The following ARHGAP12 variants were observed in gnomAD, a reference collection of about 807,000 sequenced individuals.
The protein encoded by ARHGAP12 is Rho GTPase activating protein 12.
In ARHGAP12, 64 loss-of-function variants were observed where a neutral mutation model predicts 108.6. The observed-to-expected ratio is 0.59, with a 90% CI of 0.48 to 0.73. The LOEUF (loss-of-function observed/expected upper bound fraction) is 0.73, where lower values mean the gene tolerates loss of function less well. ARHGAP12 is among the 30% of genes least tolerant of loss of function. The pLI, the probability that ARHGAP12 is intolerant of heterozygous loss-of-function variation, is 0.00. For missense variants in ARHGAP12, 940 were observed against 1,005.9 expected, an observed-to-expected ratio of 0.93 and a Z score of 0.89; for synonymous variants, 312 against 337.2, an observed-to-expected ratio of 0.93 and a Z score of 0.82.
intron 3 of ARHGAP12, among the ~76,000 whole-genome samples, chr10:31,880,856 T>A (rs1837921682): frequency 6.6e-6 from 1 of 150,846 alleles, no homozygotes; most frequent in African/African-American, 2.4e-5. Context: ...CTCTGGGAGT[T>A]CAAGGCCAGC....
At chr10:31,864,698 C>A (rs1411402846) in intron 3 of ARHGAP12, among the ~76,000 whole-genome samples, 1 of 152,172 alleles carries the variant, frequency 6.6e-6, no homozygotes, top group Non-Finnish European at 1.5e-5. Flanking sequence ...AAGAAAACAT[C>A]CACGCTTCTA....
At chr10:31,904,333 A>G (rs1364344718) in intron 3 of ARHGAP12, among the ~76,000 whole-genome samples, 1 of 152,234 alleles carries the variant, frequency 6.6e-6, no homozygotes, top group African/African-American at 2.4e-5. Context: ...CTACAGAGTT[A>G]CACTGAATGA....
chr10:31,914,324 T>C (rs948926806), intron 1 of ARHGAP12, among the ~76,000 whole-genome samples: 2 of 152,206 alleles, frequency 1.3e-5, no homozygotes, highest in African/African-American at 4.8e-5. Context: ...AATTCTCTAA[T>C]TAAATATAAA....
chr10:31,824,021 G>A (rs572364467), intron 11 of ARHGAP12, among the ~76,000 whole-genome samples: 1 of 152,152 alleles, frequency 6.6e-6, no homozygotes, highest in African/African-American at 2.4e-5. Flanking sequence ...CATCTTGTAT[G>A]TTTCTCTAAA....
intron 16 of ARHGAP12, 34 bp from the exon 17 acceptor site, chr10:31,809,341 T>C: frequency 3.2e-6 from 5 of 1,579,130 alleles, no homozygotes; most frequent in Non-Finnish European, 4.4e-6. Context: ...TGTGTGTGTG[T>C]TTAAAGTACT....
intron 3 of ARHGAP12, among the ~76,000 whole-genome samples, chr10:31,893,454 A>G (rs1010743081): frequency 4.6e-4 from 70 of 152,342 alleles, no homozygotes; most frequent in African/African-American, 1.5e-3. Context: ...ACCATCAGAG[A>G]ATACTATAAA....
At chr10:31,854,291 G>T in intron 4 of ARHGAP12, 85 bp from the exon 5 acceptor site, 1 of 1,186,188 alleles carries the variant, frequency 8.4e-7, no homozygotes, top group Non-Finnish European at 1.2e-6. Flanking sequence ...AATTTTACTT[G>T]ACTATAAGTA....
At chr10:31,822,821 G>T (rs765459496) in intron 11 of ARHGAP12, among the ~76,000 whole-genome samples, 4 of 151,858 alleles carry the variant, frequency 2.6e-5, no homozygotes, top group Non-Finnish European at 4.4e-5. Flanking sequence ...AGGGAATTTT[G>T]TCCTCTGGGG....
intron 13 of ARHGAP12, among the ~76,000 whole-genome samples, chr10:31,815,957 C>G (rs1835186201): frequency 6.6e-6 from 1 of 152,048 alleles, no homozygotes; most frequent in Non-Finnish European, 1.5e-5. Context: ...CGAGACCAGC[C>G]GGGACAACAT....
intron 14 of ARHGAP12, among the ~76,000 whole-genome samples, chr10:31,813,914 T>C (rs1227886291): frequency 6.6e-6 from 1 of 152,206 alleles, no homozygotes; most frequent in Non-Finnish European, 1.5e-5. Context: ...TTAAAAAGTA[T>C]AAGATTCTAT....
chr10:31,835,426 A>C (rs1360394940), intron 9 of ARHGAP12, among the ~76,000 whole-genome samples: 1 of 152,192 alleles, frequency 6.6e-6, no homozygotes, highest in African/African-American at 2.4e-5. Flanking sequence ...TATTAAAAAT[A>C]AGCAGGAATG....
chr10:31,859,402 T>C (rs1365018702), intron 4 of ARHGAP12, among the ~76,000 whole-genome samples: 5 of 152,200 alleles, frequency 3.3e-5, no homozygotes, highest in African/African-American at 1.2e-4. Context: ...GAGAAAATAA[T>C]TTCCATCCTA....
intron 3 of ARHGAP12, among the ~76,000 whole-genome samples, chr10:31,868,307 T>C (rs1302311999): frequency 6.6e-6 from 1 of 152,134 alleles, no homozygotes; most frequent in East Asian, 1.9e-4. Context: ...TCCAATTAAA[T>C]TTTAAAGCAT....
At chr10:31,812,213 T>TA (rs1049944352) in intron 15 of ARHGAP12, among the ~76,000 whole-genome samples, 5 of 151,830 alleles carry the variant, frequency 3.3e-5, no homozygotes, top group Non-Finnish European at 4.4e-5. Context: ...TATTTTCCTA[T>TA]AAAAAAAAGA....
intron 14 of ARHGAP12, 28 bp downstream of exon 14, chr10:31,814,231 T>G: frequency 1.3e-6 from 2 of 1,567,624 alleles, no homozygotes; most frequent in Non-Finnish European, 1.8e-6. Context: ...GCACAAATCC[T>G]TAGCAAAATA....
chr10:31,890,622 G>T (rs1838385341), intron 3 of ARHGAP12, among the ~76,000 whole-genome samples: 1 of 152,146 alleles, frequency 6.6e-6, no homozygotes, highest in Admixed American at 6.5e-5. Flanking sequence ...CCAGGAGTGT[G>T]GCAAGAGAGG....
chr10:31,836,689 A>C (rs560988250), intron 9 of ARHGAP12, among the ~76,000 whole-genome samples: 1 of 152,238 alleles, frequency 6.6e-6, no homozygotes, highest in South Asian at 2.1e-4. Context: ...ACTCGCAAAG[A>C]AAGAGGGAAA....
chr10:31,812,391 G>A (rs1347124344), intron 15 of ARHGAP12, among the ~76,000 whole-genome samples: 1 of 151,800 alleles, frequency 6.6e-6, no homozygotes, highest in Non-Finnish European at 1.5e-5. Flanking sequence ...CTTATTTATT[G>A]TGATCTTTGC....
intron 3 of ARHGAP12, among the ~76,000 whole-genome samples, chr10:31,874,033 C>G (rs1837634473): frequency 6.6e-6 from 1 of 152,196 alleles, no homozygotes; most frequent in South Asian, 2.1e-4. Context: ...TACTCTGTCA[C>G]TGAAATTTCT....
Sources: allele counts gnomAD v4.1 joint callset (sites outside exome capture counted in the v4.1 genomes callset), GRCh38; gene constraint gnomAD v4.1.1; transcripts MANE v1.5; gene names NCBI Gene and HGNC (gene_info 2026-07-23, HGNC 2026-07-21).